SULF1: variants seen among roughly 807,000 people sequenced by gnomAD.
SULF1 encodes the protein extracellular sulfatase Sulf-1.
Under a neutral mutation model 110.5 loss-of-function variants are expected in SULF1, and 46 were observed. That is an observed-to-expected ratio of 0.42 (90% CI 0.33 to 0.53). The LOEUF is 0.53. Among genes scored for constraint, SULF1 ranks in the 20% least tolerant of loss-of-function variants. SULF1 has a pLI of 0.12. For missense variants in SULF1, 941 were observed against 1,094.2 expected (o/e 0.86, Z 1.98); for synonymous variants, 371 against 387.1 (o/e 0.96, Z 0.49).
At chr8:69,580,347 A>G (rs1805975993) in intron 6 of SULF1, among the ~76,000 whole-genome samples, 1 of 152,228 alleles carries the variant, frequency 6.6e-6, no homozygotes, top group Non-Finnish European at 1.5e-5. Context: ...GAGGATATCA[A>G]CATTAATATA....
chr8:69,603,212 A>C lies in SULF1; in HGVS notation c.1082A>C (p.Asn361Thr). The C allele has an allele frequency of 6.2e-7, 1 of 1,614,142 alleles. No individual in the cohort carries two copies. The highest frequency in any genetic ancestry group is 1.3e-5 in the African/African-American group (1 of 75,036). Residue 361 changes from asparagine to threonine, a missense_variant, in exon 11 of 23, where the codon AAC (asparagine) becomes ACC (threonine). Physicochemically the swap from Asn to Thr is moderately conservative, Grantham distance 65. Transcript: ENST00000402687. ...TACAGAGTCCCACAGATCGTTCTCA[A>C]CATTGACTTGGCCCCCACGATCCTG... ...PGSIVPQIVL[N>T]IDLAPTILDI... is the part of the protein sequence containing the mutation.
intron 6 of SULF1, among the ~76,000 whole-genome samples, chr8:69,582,736 TGAG>T (rs1341766479): frequency 1.3e-5 from 2 of 149,434 alleles, no homozygotes; most frequent in African/African-American, 2.5e-5. Context: ...CCCGTAGGGA[TGAG>T]GAGGAGGCCA....
chr8:69,611,590 C>G (rs1363817269), intron 13 of SULF1, among the ~76,000 whole-genome samples: 1 of 152,050 alleles, frequency 6.6e-6, no homozygotes, highest in African/African-American at 2.4e-5. Context: ...TTGTATATTC[C>G]CCAGTGTTAA....
intron 1 of SULF1, among the ~76,000 whole-genome samples, chr8:69,475,294 G>A (rs115547158): frequency 0.011 from 1,727 of 152,146 alleles, 36 homozygotes; most frequent in African/African-American, 0.04. Flanking sequence ...AGTTCAAGCA[G>A]TAGGTTTTTA....
intron 8 of SULF1, among the ~76,000 whole-genome samples, chr8:69,590,203 C>A (rs1806788778): frequency 6.6e-6 from 1 of 152,200 alleles, no homozygotes; most frequent in Non-Finnish European, 1.5e-5. Context: ...GCTCTGTAAC[C>A]CAGGCTGGAG....
intron 22 of SULF1, among the ~76,000 whole-genome samples, chr8:69,643,010 C>T (rs28638259): frequency 0.59 from 89,356 of 150,316 alleles, 27,621 homozygotes; most frequent in African/African-American, 0.79. Flanking sequence ...CTTTTTTTTT[C>T]CCCCTTCTAA....
intron 13 of SULF1, among the ~76,000 whole-genome samples, chr8:69,620,025 C>T (rs1187240995): frequency 6.6e-6 from 1 of 152,084 alleles, no homozygotes; most frequent in East Asian, 1.9e-4. Flanking sequence ...AGGTCACACA[C>T]GGGCTTGAAG....
intron 3 of SULF1, among the ~76,000 whole-genome samples, chr8:69,557,569 T>G (rs1815196154): frequency 6.6e-6 from 1 of 152,216 alleles, no homozygotes; most frequent in East Asian, 1.9e-4. Flanking sequence ...CCATCTATTT[T>G]CTTCCTCCCT....
chr8:69,553,317 C>G (rs1204461038), intron 3 of SULF1, among the ~76,000 whole-genome samples: 2 of 152,176 alleles, frequency 1.3e-5, no homozygotes, highest in African/African-American at 4.8e-5. Flanking sequence ...ATATGGAGGG[C>G]CAGACGCATG....
At chr8:69,563,441 C>T (rs1815652316) in intron 3 of SULF1, 98 bp from the exon 4 acceptor site, 1 of 153,544 alleles carries the variant, frequency 6.5e-6, no homozygotes, top group South Asian at 2.0e-4. Context: ...AATATATACA[C>T]ATATAATATG....
At chr8:69,599,071 C>T (rs1807574781) in intron 8 of SULF1, among the ~76,000 whole-genome samples, 1 of 152,178 alleles carries the variant, frequency 6.6e-6, no homozygotes. Context: ...CCCAGGGTAT[C>T]ACCGTGAATC....
chr8:69,559,369 A>G lies in SULF1; in HGVS notation c.-133-4170A>G, dbSNP rs115346355. On this transcript the variant is annotated intron_variant, in intron 3 of 22. Coordinates refer to ENST00000402687, the MANE Select transcript of SULF1 (RefSeq NM_001128205.2). Reference sequence around the variant, plus strand: ...TTTGGGAAATTTGGTTCACTGAACTATGCGAATATTCTAAATGTTGACTCA... The same window carrying G: ...TTTGGGAAATTTGGTTCACTGAACTGTGCGAATATTCTAAATGTTGACTCA... 7.8e-3 allele frequency among the ~76,000 whole-genome samples: 1,191 copies of G among 152,346 alleles called. 19 individuals are homozygous for G. Among genetic ancestry groups the G allele is most frequent in the African/African-American group, 0.027 (1,117 of 41,582 alleles).
chr8:69,499,831 C>T (rs558965296), intron 2 of SULF1, among the ~76,000 whole-genome samples: 82 of 152,244 alleles, frequency 5.4e-4, no homozygotes, highest in African/African-American at 1.9e-3. Context: ...TTCACTGCAG[C>T]CTCAAACACC....
intron 13 of SULF1, among the ~76,000 whole-genome samples, chr8:69,610,767 C>T (rs1469330273): frequency 4.6e-5 from 7 of 152,242 alleles, no homozygotes; most frequent in Non-Finnish European, 1.0e-4. Context: ...TTAATTTGTA[C>T]TGTGTCTTCT....
At chr8:69,530,925 T>C (rs892073990) in intron 3 of SULF1, among the ~76,000 whole-genome samples, 5 of 152,226 alleles carry the variant, frequency 3.3e-5, no homozygotes, top group Non-Finnish European at 5.9e-5. Context: ...CAGGTACTTA[T>C]TGAGGACCTA....
At chr8:69,599,609 A>G (rs888422295) in intron 8 of SULF1, among the ~76,000 whole-genome samples, 1 of 152,250 alleles carries the variant, frequency 6.6e-6, no homozygotes, top group Non-Finnish European at 1.5e-5. Context: ...CCCAACACAT[A>G]TTAAACTCTC....
At chr8:69,627,669 A>G in intron 16 of SULF1, 103 bp from the exon 17 acceptor site, 1 of 774,668 alleles carries the variant, frequency 1.3e-6, no homozygotes, top group African/African-American at 1.7e-5. Context: ...ATCTCAGATG[A>G]ATAGCTGTTA....
chr8:69,601,126 A>G (rs1807771466), intron 9 of SULF1, among the ~76,000 whole-genome samples: 1 of 152,242 alleles, frequency 6.6e-6, no homozygotes, highest in Admixed American at 6.5e-5. Context: ...AAATTTTGCC[A>G]TGTAGAAATG....
chr8:69,623,856 G>C lies in SULF1; in HGVS notation c.1595-86G>C. 4 of 1,486,866 alleles carry C rather than the reference G, an allele frequency of 2.7e-6. No homozygotes were observed. The South Asian group carries it at 5.3e-5, about 20-fold the overall frequency. The allele number at this position is 1,486,866 out of a possible 1,614,324, so 92.1% of individuals were successfully genotyped here. A position where few individuals can be genotyped will look rare whatever the true frequency, so the allele number is the denominator to read the frequency against. On this transcript the variant is annotated intron_variant, in intron 14 of 22. Transcript: ENST00000402687. ...AGCATGGACTGCTTTCTCCACTCCA[G>C]GATCCCTTCTGGACCAGGTGATCAC...
Sources: gnomAD v4.1 joint callset for allele counts (sites outside exome capture counted in the v4.1 genomes callset) on GRCh38, gnomAD v4.1.1 for gene constraint, MANE v1.5 for transcripts, NCBI Gene and HGNC (gene_info 2026-07-23, HGNC 2026-07-21) for gene names.